The following DLGAP2 variants were observed in gnomAD, a reference collection of about 807,000 sequenced individuals.
DLGAP2 encodes the protein disks large-associated protein 2.
DLGAP2 carries 26 observed loss-of-function variants against 100.3 expected under a neutral mutation model. The ratio of observed to expected loss-of-function variants is 0.26; its 90% confidence interval spans 0.19 to 0.36. The LOEUF (loss-of-function observed/expected upper bound fraction) is 0.36. DLGAP2 is among the 10% of genes least tolerant of loss of function. The pLI is 1.00. For missense variants in DLGAP2, 1,858 were observed against 1,453.2 expected (o/e 1.28, Z -4.53); for synonymous variants, 886 against 630.1 (o/e 1.41, Z -6.08).
intron 5 of DLGAP2, among the ~76,000 whole-genome samples, chr8:1,560,528 C>G (rs765443322): frequency 6.6e-6 from 1 of 152,172 alleles, no homozygotes; most frequent in African/African-American, 2.4e-5. Flanking sequence ...AGTCCCTGAC[C>G]CTGGGCTGCA....
At chr8:765,423 G>A (rs947001155) in intron 1 of DLGAP2, among the ~76,000 whole-genome samples, 1 of 152,278 alleles carries the variant, frequency 6.6e-6, no homozygotes, top group African/African-American at 2.4e-5. Flanking sequence ...GTCTAACAGT[G>A]TTAGTGCCAT....
intron 10 of DLGAP2, among the ~76,000 whole-genome samples, chr8:1,673,540 G>T (rs1798740420): frequency 6.6e-6 from 1 of 152,180 alleles, no homozygotes; most frequent in South Asian, 2.1e-4. Context: ...AATCTGCACA[G>T]TTCATCATAT....
At chr8:1,060,916 C>T (rs764052064) in intron 2 of DLGAP2, among the ~76,000 whole-genome samples, 2 of 152,206 alleles carry the variant, frequency 1.3e-5, no homozygotes, top group Non-Finnish European at 2.9e-5. Flanking sequence ...GGAAGGGAGA[C>T]TTACTTGCAT....
At chr8:1,069,422 C>A (rs955238588) in intron 2 of DLGAP2, among the ~76,000 whole-genome samples, 1 of 152,154 alleles carries the variant, frequency 6.6e-6, no homozygotes, top group Non-Finnish European at 1.5e-5. Context: ...ACACTCCTGT[C>A]CTCTCAGCCC....
At chr8:1,382,609 G>A (rs1198109813) in intron 3 of DLGAP2, among the ~76,000 whole-genome samples, 1 of 152,106 alleles carries the variant, frequency 6.6e-6, no homozygotes, top group African/African-American at 2.4e-5. Context: ...CAGTGCAGTG[G>A]TGTGTGCCTG....
chr8:1,230,366 C>CA (rs1157837169), intron 2 of DLGAP2, among the ~76,000 whole-genome samples: 1 of 152,142 alleles, frequency 6.6e-6, no homozygotes, highest in Admixed American at 6.6e-5. Flanking sequence ...TCATAGATGG[C>CA]ACAAGCAACC....
chr8:1,200,114 GGGGGCC>G (rs778656639), intron 2 of DLGAP2, among the ~76,000 whole-genome samples: 1 of 152,108 alleles, frequency 6.6e-6, no homozygotes, highest in Non-Finnish European at 1.5e-5. Context: ...TCGGGGGCGT[GGGGGCC>G]GGGAGCGGAT....
intron 2 of DLGAP2, among the ~76,000 whole-genome samples, chr8:1,138,517 G>T (rs555333211): frequency 2.0e-5 from 3 of 152,240 alleles, no homozygotes; most frequent in Non-Finnish European, 4.4e-5. Context: ...AATAGAGCAG[G>T]CTGGGGTGGG....
intron 6 of DLGAP2, among the ~76,000 whole-genome samples, chr8:1,595,302 A>G (rs1490765611): frequency 1.3e-5 from 2 of 152,112 alleles, no homozygotes; most frequent in African/African-American, 4.8e-5. Flanking sequence ...GACAAATAAC[A>G]TAAATAACAT....
chr8:1,329,806 C>T (rs1395097582), intron 3 of DLGAP2, among the ~76,000 whole-genome samples: 1 of 152,242 alleles, frequency 6.6e-6, no homozygotes, highest in African/African-American at 2.4e-5. Flanking sequence ...CCCTATCAAA[C>T]TGGGGCTGGA....
chr8:1,374,912 C>A (rs530993357), intron 3 of DLGAP2, among the ~76,000 whole-genome samples: 1 of 152,166 alleles, frequency 6.6e-6, no homozygotes, highest in Admixed American at 6.5e-5. Flanking sequence ...AGTGGGATCC[C>A]AAGCCCAATA....
intron 2 of DLGAP2, among the ~76,000 whole-genome samples, chr8:1,011,239 C>G (rs898806007): frequency 6.7e-6 from 1 of 149,986 alleles, no homozygotes; most frequent in Non-Finnish European, 1.5e-5. Context: ...GGGTCTCAGT[C>G]TACACAGTGA....
intron 2 of DLGAP2, among the ~76,000 whole-genome samples, chr8:926,719 A>G (rs1798823993): frequency 6.6e-6 from 1 of 152,198 alleles, no homozygotes; most frequent in Non-Finnish European, 1.5e-5. Flanking sequence ...GCAGCAGCTG[A>G]GCCATGTGGA....
intron 14 of DLGAP2, 70 bp from the exon 15 acceptor site, chr8:1,701,118 C>A: frequency 7.0e-7 from 1 of 1,436,918 alleles, no homozygotes; most frequent in Non-Finnish European, 9.4e-7. Context: ...GGCCCCAGGG[C>A]CGCTGAGCTC....
chr8:945,280 C>T (rs750598911), intron 2 of DLGAP2, among the ~76,000 whole-genome samples: 6 of 152,222 alleles, frequency 3.9e-5, no homozygotes, highest in African/African-American at 1.4e-4. Flanking sequence ...TATGTCCTCC[C>T]TCCTGGGAGT....
chr8:1,593,049 C>G (rs1165526525), intron 6 of DLGAP2, among the ~76,000 whole-genome samples: 1 of 152,086 alleles, frequency 6.6e-6, no homozygotes, highest in Admixed American at 6.6e-5. Context: ...TAGTAAAAAT[C>G]TTTTGGGGAG....
chr8:874,515 A>G (rs1474519525), intron 1 of DLGAP2, among the ~76,000 whole-genome samples: 1 of 152,206 alleles, frequency 6.6e-6, no homozygotes, highest in African/African-American at 2.4e-5. Context: ...AATTTCCAAA[A>G]CTTTTTTCTG....
chr8:773,563 G>C (rs1050241433), intron 1 of DLGAP2, among the ~76,000 whole-genome samples: 1 of 140,496 alleles, frequency 7.1e-6, no homozygotes, highest in East Asian at 2.1e-4. Context: ...TGATCTCATT[G>C]TTCAATTCCC....
At chr8:1,630,995 AGGGTCTCGGCGGGAGGTCCGGG>A (rs1797630286) in intron 7 of DLGAP2, among the ~76,000 whole-genome samples, 1 of 142,270 alleles carries the variant, frequency 7.0e-6, no homozygotes, top group Admixed American at 6.9e-5. Context: ...GGGTGTCCCG[AGGGTCTCGGCGGGAGGTCCGGG>A]TGTCCCGAGG....
Sources: gnomAD v4.1 joint callset for allele counts (sites outside exome capture counted in the v4.1 genomes callset) on GRCh38, gnomAD v4.1.1 for gene constraint, MANE v1.5 for transcripts, NCBI Gene and HGNC (gene_info 2026-07-23, HGNC 2026-07-21) for gene names.